DTNA: variants seen among roughly 807,000 people sequenced by gnomAD.
DTNA encodes the protein dystrobrevin alpha.
DTNA carries 43 observed loss-of-function variants against 100.7 expected under a neutral mutation model. The observed-to-expected ratio is 0.43, with a 90% CI of 0.33 to 0.55. The LOEUF (loss-of-function observed/expected upper bound fraction) is 0.55. Among genes scored for constraint, DTNA ranks in the 20% least tolerant of loss-of-function variants. The pLI, the probability that DTNA is intolerant of heterozygous loss-of-function variation, is 0.04. For synonymous variants in DTNA, 349 were observed against 347.9 expected, an observed-to-expected ratio of 1.00 and a Z score of -0.04; for missense variants, 798 against 953.9, an observed-to-expected ratio of 0.84 and a Z score of 2.15.
Position 34,794,116 on chromosome 18 carries a change from C to G in DTNA, c.228C>G (p.Leu76=). 1 of 1,614,164 alleles carries G rather than the reference C, an allele frequency of 6.2e-7. No homozygotes were observed. The highest frequency in any genetic ancestry group is 8.5e-7 in the Non-Finnish European group (1 of 1,180,030). Residue 76 remains leucine, a synonymous_variant, in exon 4 of 23, where the codon CTC becomes CTG. Transcript: ENST00000444659. ...ALNNLDPNTE[L]NVSRLEAVLS... ...ACAACCTGGACCCAAACACTGAACT[C>G]AACGTGTCCCGCTTAGAGGCTGTGC...
At chr18:34,500,407 AACTC>A (rs2144577609) in intron 1 of DTNA, among the ~76,000 whole-genome samples, 1 of 149,816 alleles carries the variant, frequency 6.7e-6, no homozygotes, top group Admixed American at 6.7e-5. Flanking sequence ...GGAACTCCTG[AACTC>A]ACTTATTAAT....
intron 3 of DTNA, among the ~76,000 whole-genome samples, chr18:34,773,517 A>C (rs554937182): frequency 6.6e-6 from 1 of 152,346 alleles, no homozygotes; most frequent in South Asian, 2.1e-4. Context: ...TAACCCTTGG[A>C]GCACAATTAT....
chr18:34,866,310 T>C lies in DTNA; in HGVS notation c.1743+2248T>C. ...TGAATTGAGATATATAAATTTAGCA[T>C]TTTTTATAACTATCACTACTATCCA... On this transcript the variant is annotated intron_variant, in intron 17 of 22. Coordinates refer to ENST00000444659, the MANE Select transcript of DTNA (RefSeq NM_001386795.1). 5 of 1,485,246 alleles carry C rather than the reference T, an allele frequency of 3.4e-6. 1 individual carries two copies. The highest frequency in any genetic ancestry group is 2.7e-5 in the South Asian group (2 of 74,884). The allele number at this position is 1,485,246 out of a possible 1,614,324, so 92.0% of individuals were successfully genotyped here. A position where few individuals can be genotyped will look rare whatever the true frequency, so the allele number is the denominator to read the frequency against.
chr18:34,848,214 A>G, intron 13 of DTNA, 82 bp from the exon 14 acceptor site: 1 of 1,346,716 alleles, frequency 7.4e-7, no homozygotes, highest in Non-Finnish European at 1.1e-6. Flanking sequence ...ACATTGAAAT[A>G]GTAAAAACTC....
intron 6 of DTNA, among the ~76,000 whole-genome samples, chr18:34,812,640 G>A (rs2095508827): frequency 1.3e-5 from 2 of 152,168 alleles, no homozygotes; most frequent in South Asian, 4.1e-4. Flanking sequence ...ACAGCATGGG[G>A]GAACCACCCC....
At chr18:34,733,269 T>C (rs1249105732) in intron 1 of DTNA, among the ~76,000 whole-genome samples, 6 of 152,218 alleles carry the variant, frequency 3.9e-5, no homozygotes, top group African/African-American at 2.4e-5. Context: ...TGGAAATTGA[T>C]TGAGGGGCTG....
chr18:34,669,642 C>T (rs1324537545), intron 1 of DTNA, among the ~76,000 whole-genome samples: 1 of 152,170 alleles, frequency 6.6e-6, no homozygotes, highest in African/African-American at 2.4e-5. Context: ...AATCTGTCAG[C>T]ATTAGCTTGT....
chr18:34,786,394 A>G (rs1601995142), intron 3 of DTNA, among the ~76,000 whole-genome samples: 1 of 152,212 alleles, frequency 6.6e-6, no homozygotes, highest in African/African-American at 2.4e-5. Flanking sequence ...ATGGAAATTC[A>G]TGCCGGGAAT....
chr18:34,856,897 T>C (rs2096558955), intron 15 of DTNA, among the ~76,000 whole-genome samples: 1 of 152,210 alleles, frequency 6.6e-6, no homozygotes, highest in Non-Finnish European at 1.5e-5. Context: ...TTTCTGTCTT[T>C]AGAATGAACA....
At chr18:34,645,607 G>A (rs1599527992) in intron 1 of DTNA, among the ~76,000 whole-genome samples, 1 of 152,094 alleles carries the variant, frequency 6.6e-6, no homozygotes, top group Non-Finnish European at 1.5e-5. Flanking sequence ...AATACAGATG[G>A]TGTGTATACA....
Position 34,591,879 on chromosome 18 carries a change from T to G in DTNA, c.-2+98365T>G, listed in dbSNP as rs554261034. The stretch of plus-strand genomic sequence containing the variant: ...ATGGGGCATCAAAATATCACTAAAA[T>G]AGGCTAGTAATATGATGCCAATTAA... On this transcript the variant is annotated intron_variant, in intron 1 of 19. Coordinates refer to the DTNA transcript ENST00000283365. 9.8e-5 allele frequency among the ~76,000 whole-genome samples: 15 copies of G among 152,342 alleles called. No homozygotes were observed. The East Asian group carries it at 2.9e-3, about 29-fold the overall frequency.
intron 3 of DTNA, 69 bp downstream of exon 3, chr18:34,766,110 A>G: frequency 6.7e-7 from 1 of 1,497,816 alleles, no homozygotes; most frequent in African/African-American, 1.4e-5. Flanking sequence ...TACTAAGTTT[A>G]TTAAACTAGA....
intron 5 of DTNA, among the ~76,000 whole-genome samples, chr18:34,810,998 A>T (rs142468657): frequency 3.3e-5 from 5 of 152,310 alleles, no homozygotes; most frequent in African/African-American, 1.2e-4. Context: ...GTGTAAAAAC[A>T]ATGTTCCCAG....
At chr18:34,839,745 T>C (rs2096232664) in intron 13 of DTNA, among the ~76,000 whole-genome samples, 1 of 152,208 alleles carries the variant, frequency 6.6e-6, no homozygotes, top group Non-Finnish European at 1.5e-5. Flanking sequence ...AGAAAGCCAA[T>C]GGGTTCAATT....
At chr18:34,867,308 T>C in intron 17 of DTNA, 5 of 1,231,052 alleles carry the variant, frequency 4.1e-6, no homozygotes, top group Non-Finnish European at 5.1e-6. Flanking sequence ...CAATCTGTAA[T>C]GTCAGACAAT....
chr18:34,864,543 G>T (rs56009868), intron 17 of DTNA, among the ~76,000 whole-genome samples: 22,174 of 152,172 alleles, frequency 0.15, 1,826 homozygotes, highest in African/African-American at 0.23. Context: ...GTGAGCCACC[G>T]CGCCCGGCCT....
intron 1 of DTNA, among the ~76,000 whole-genome samples, chr18:34,732,204 C>G (rs774405921): frequency 2.6e-5 from 4 of 152,144 alleles, no homozygotes; most frequent in Non-Finnish European, 5.9e-5. Flanking sequence ...TTATTTTTCC[C>G]CCTAATTTTC....
chr18:34,518,201 A>ATGTGCTTATCTGCCATCCGTG (rs1252028107), intron 1 of DTNA, among the ~76,000 whole-genome samples: 1 of 152,104 alleles, frequency 6.6e-6, no homozygotes, highest in Non-Finnish European at 1.5e-5. Context: ...ACATCTTTTC[A>ATGTGCTTATCTGCCATCCGTG]TGTGCTTATC....
intron 1 of DTNA, among the ~76,000 whole-genome samples, chr18:34,505,487 C>A (rs917290120): frequency 6.6e-6 from 1 of 152,210 alleles, no homozygotes; most frequent in Non-Finnish European, 1.5e-5. Context: ...GCTTACCACA[C>A]ACAGGTTTCT....
Sources: allele counts gnomAD v4.1 joint callset (sites outside exome capture counted in the v4.1 genomes callset), GRCh38; gene constraint gnomAD v4.1.1; transcripts MANE v1.5; gene names NCBI Gene and HGNC (gene_info 2026-07-23, HGNC 2026-07-21).